The following CRTAP variants were observed in gnomAD, a reference collection of about 807,000 sequenced individuals.
CRTAP encodes the protein cartilage-associated protein.
CRTAP carries 33 observed loss-of-function variants against 42.7 expected under a neutral mutation model. The ratio of observed to expected loss-of-function variants is 0.77; its 90% CI spans 0.59 to 1.03. The LOEUF is 1.03. Among genes scored for constraint, CRTAP ranks in the 50% least tolerant of loss-of-function variants. The pLI, the probability that CRTAP is intolerant of heterozygous loss-of-function variation, is 0.00. For synonymous variants in CRTAP, 243 were observed against 217.7 expected (o/e 1.12, Z -1.02); for missense variants, 613 against 533.9 (o/e 1.15, Z -1.46).
intron 1 of CRTAP, among the ~76,000 whole-genome samples, chr3:33,119,807 G>A (rs183540596): frequency 6.3e-4 from 96 of 152,310 alleles, no homozygotes; most frequent in Non-Finnish European, 1.0e-3. Flanking sequence ...TGATAGCAGT[G>A]GGATATGACC....
chr3:33,117,713 G>A (rs2125597491), intron 1 of CRTAP, among the ~76,000 whole-genome samples: 1 of 152,276 alleles, frequency 6.6e-6, no homozygotes, highest in South Asian at 2.1e-4. Flanking sequence ...GGCTCATGCT[G>A]GTGGCTGTAT....
At chr3:33,117,933 T>C (rs1701363424) in intron 1 of CRTAP, among the ~76,000 whole-genome samples, 1 of 152,146 alleles carries the variant, frequency 6.6e-6, no homozygotes, top group Non-Finnish European at 1.5e-5. Flanking sequence ...AATCCTACTC[T>C]GTGCCCCTCT....
intron 4 of CRTAP, 98 bp from the exon 5 acceptor site, chr3:33,132,457 A>ACATAT: frequency 6.5e-7 from 1 of 1,541,416 alleles, no homozygotes; most frequent in Admixed American, 1.7e-5. Context: ...AGGACTGTGG[A>ACATAT]GAAGGGGCTT....
At chr3:33,138,308 T>G (rs1449387074) in intron 6 of CRTAP, among the ~76,000 whole-genome samples, 1 of 152,200 alleles carries the variant, frequency 6.6e-6, no homozygotes, top group Admixed American at 6.5e-5. Context: ...TTTATAGGAA[T>G]TCCACTGAAC....
chr3:33,128,629 A>G (rs2030147488), intron 3 of CRTAP, among the ~76,000 whole-genome samples: 1 of 152,214 alleles, frequency 6.6e-6, no homozygotes, highest in Non-Finnish European at 1.5e-5. Context: ...TGGTGATGGT[A>G]GTAAGTATGG....
At chr3:33,130,108 C>T (rs1337960883) in intron 4 of CRTAP, 41 bp downstream of exon 4, 1 of 1,589,706 alleles carries the variant, frequency 6.3e-7, no homozygotes, top group African/African-American at 1.3e-5. Flanking sequence ...GGCACTTAGT[C>T]CTTCTAAGAC....
chr3:33,130,473 T>G (rs2030221179), intron 4 of CRTAP, among the ~76,000 whole-genome samples: 1 of 152,132 alleles, frequency 6.6e-6, no homozygotes, highest in Non-Finnish European at 1.5e-5. Context: ...GCTTTACTTT[T>G]CAGACTGTTA....
At chr3:33,141,193 C>T (rs965991525) in intron 6 of CRTAP, among the ~76,000 whole-genome samples, 1 of 152,146 alleles carries the variant, frequency 6.6e-6, no homozygotes, top group African/African-American at 2.4e-5. Context: ...TGTGCTGCCT[C>T]GGGCACTTAT....
rs769515796 is a variant in CRTAP at position 33,114,347 on chromosome 3, C to T, written c.270C>T (p.Ala90=). The part of the protein sequence containing the change: ...SEAFCHRNCS[A]APQPEPAAGL... ...CCTTCTGCCACCGCAACTGCAGCGCCGCGCCGCAGCCCGAGCCCGCCGCCG... is the reference window on the plus strand; with the variant it reads ...CCTTCTGCCACCGCAACTGCAGCGCTGCGCCGCAGCCCGAGCCCGCCGCCG... Residue 90 remains alanine (A), a synonymous_variant, in exon 1 of 7, where the codon GCC becomes GCT. Transcript: ENST00000320954. The T allele has an allele frequency of 3.3e-6, 5 of 1,526,682 alleles. No individual in the cohort carries two copies. The highest frequency in any genetic ancestry group is 3.5e-6 in the Non-Finnish European group (4 of 1,143,600). 94.6% of individuals were successfully genotyped at this position (1,526,682 alleles called of 1,614,324 possible).
Position 33,142,553 on chromosome 3 carries a change from T to G in CRTAP, c.*105T>G. 1.8e-6 allele frequency: 2 copies of G among 1,113,272 alleles called. No individual in the cohort carries two copies. Among genetic ancestry groups the G allele is most frequent in the Non-Finnish European group, 2.7e-6 (2 of 737,482 alleles). The allele number at this position is 1,113,272 out of a possible 1,614,324, so 69.0% of individuals were successfully genotyped here. On this transcript the variant is annotated 3_prime_UTR_variant, in exon 7 of 7. Transcript: ENST00000320954. ...TGATACCTCAGAGCCTTCTCTTTAC[T>G]CTCCAAAGTGAAAGGGAAGCCCCCG...
intron 1 of CRTAP, among the ~76,000 whole-genome samples, chr3:33,116,562 T>C (rs748684973): frequency 4.6e-5 from 7 of 152,160 alleles, no homozygotes; most frequent in Non-Finnish European, 8.8e-5. Flanking sequence ...TTTCACCATG[T>C]TGGCCAGGCT....
rs759716355 is a variant in CRTAP, at chr3:33,114,566, C to T, written c.471+18C>T. 47 of 1,560,016 alleles carry T rather than the reference C, an allele frequency of 3.0e-5. No homozygotes were observed. The highest frequency in any genetic ancestry group is 3.7e-5 in the Non-Finnish European group (43 of 1,152,934). On this transcript the variant is annotated intron_variant, in intron 1 of 6. Transcript: ENST00000320954. ...ACTTCAAGGCAAGTCCGCCTCGCCC[C>T]GTCCCAGGCCCCGGCCCCGCCCCTG...
intron 5 of CRTAP, among the ~76,000 whole-genome samples, chr3:33,133,555 C>T (rs1299612202): frequency 1.3e-5 from 2 of 152,066 alleles, no homozygotes; most frequent in African/African-American, 2.4e-5. Flanking sequence ...CCAGCCTGTG[C>T]CATCTCTTTA....
chr3:33,114,523 A>T lies in CRTAP; in HGVS notation c.446A>T (p.Lys149Met), dbSNP rs201564256. 1.2e-6 allele frequency: 2 copies of T among 1,602,940 alleles called. No individual in the cohort carries two copies. Among genetic ancestry groups the T allele is most frequent in the South Asian group, 1.1e-5 (1 of 89,308 alleles). Reference sequence around the variant, plus strand: ...GACTTCCAGCGCCGCGAGCCCTACAAGTTCCTGCAGTTCGCTTACTTCAAG... The same window carrying T: ...GACTTCCAGCGCCGCGAGCCCTACATGTTCCTGCAGTTCGCTTACTTCAAG... ...LADFQRREPY[K>M]FLQFAYFKAN... Residue 149 changes from lysine to methionine, a missense_variant, in exon 1 of 7, where the codon AAG (lysine) becomes ATG (methionine). Transcript: ENST00000320954.
chr3:33,134,260 G>C lies in CRTAP; in HGVS notation c.1147G>C (p.Asp383His). The change falls in exon 6 of 7, where the codon GAT (aspartate) becomes CAT (histidine). Residue 383 changes from aspartate to histidine, a missense_variant. Coordinates refer to ENST00000320954, the MANE Select transcript of CRTAP (RefSeq NM_006371.5). Reference protein sequence around the residue: ...DFAKENIMDDDEGEVVEYVDD... With the variant: ...DFAKENIMDDHEGEVVEYVDD... The stretch of plus-strand genomic sequence containing the variant: ...TGCTAAGGAAAATATAATGGATGAT[G>C]ATGAGGTAAGTTTTCATGCTTAGCA... 3 of 1,596,510 alleles carry C rather than the reference G, an allele frequency of 1.9e-6. No individual in the cohort carries two copies. The highest frequency in any genetic ancestry group is 2.6e-6 in the Non-Finnish European group (3 of 1,163,880).
chr3:33,129,744 A>C (rs184202119), intron 3 of CRTAP, among the ~76,000 whole-genome samples, 195 bp from the exon 4 acceptor site: 1 of 151,468 alleles, frequency 6.6e-6, no homozygotes, highest in African/African-American at 2.4e-5. Flanking sequence ...CACTGTGTTA[A>C]CCAGGATGGT....
At position 33,147,733 on chromosome 3, in the gene CRTAP, GTTTTTC is replaced by G. The variant is rs904314324; in HGVS notation, c.*5291_*5296del. On this transcript the variant is annotated 3_prime_UTR_variant, in exon 7 of 7. Transcript: ENST00000320954. Reference sequence around the variant, plus strand: ...AAATAGTTGAAAACAAAAGGTTTTTGTTTTTCTTTTTAAATCACATTAAATGTTTTA... The same window carrying G: ...AAATAGTTGAAAACAAAAGGTTTTTGTTTTTAAATCACATTAAATGTTTTA... 2 of 152,210 alleles carry G rather than the reference GTTTTTC, an allele frequency of 1.3e-5. No individual in the cohort carries two copies. Among genetic ancestry groups the G allele is most frequent in the African/African-American group, 4.8e-5 (2 of 41,516 alleles). The allele number at this position is 152,210 out of a possible 1,614,324, so 9.4% of individuals were successfully genotyped here.
At chr3:33,131,885 G>C (rs1238898010) in intron 4 of CRTAP, among the ~76,000 whole-genome samples, 1 of 152,036 alleles carries the variant, frequency 6.6e-6, no homozygotes, top group Non-Finnish European at 1.5e-5. Context: ...AGTGGAATGT[G>C]CCAGAATACA....
intron 5 of CRTAP, among the ~76,000 whole-genome samples, chr3:33,133,304 G>A (rs1333454792): frequency 6.7e-6 from 1 of 149,284 alleles, no homozygotes; most frequent in Non-Finnish European, 1.5e-5. Context: ...TGTCACCCAG[G>A]CTAGAGTGCA....
Sources: gnomAD v4.1 joint callset for allele counts (sites outside exome capture counted in the v4.1 genomes callset) on GRCh38, gnomAD v4.1.1 for gene constraint, MANE v1.5 for transcripts, NCBI Gene and HGNC (gene_info 2026-07-23, HGNC 2026-07-21) for gene names.